Variants in CSMD2 observed in about 807,000 individuals in gnomAD.
CSMD2 encodes the protein CUB and Sushi multiple domains 2.
Under a neutral mutation model 398.5 loss-of-function variants are expected in CSMD2, and 130 were observed. The ratio of observed to expected loss-of-function variants is 0.33; its 90% CI spans 0.28 to 0.38. The LOEUF (loss-of-function observed/expected upper bound fraction) is 0.38, where lower values mean the gene tolerates loss of function less well. Among genes scored for constraint, CSMD2 ranks in the 10% least tolerant of loss-of-function variants. The pLI is 1.00. For synonymous variants in CSMD2, 1,828 were observed against 1,908.5 expected, an observed-to-expected ratio of 0.96 and a Z score of 1.10; for missense variants, 3,829 against 4,764.9, an observed-to-expected ratio of 0.80 and a Z score of 5.78.
intron 3 of CSMD2, among the ~76,000 whole-genome samples, chr1:33,947,790 T>G (rs1208437443): frequency 6.6e-6 from 1 of 152,230 alleles, no homozygotes; most frequent in Admixed American, 6.5e-5. Flanking sequence ...ATAAGCACCA[T>G]CGCTTACGGA....
At chr1:33,723,484 G>T (rs1646426755) in intron 19 of CSMD2, among the ~76,000 whole-genome samples, 1 of 152,212 alleles carries the variant, frequency 6.6e-6, no homozygotes, top group Non-Finnish European at 1.5e-5. Context: ...CCACATGGGT[G>T]GCACCGAATA....
intron 12 of CSMD2, among the ~76,000 whole-genome samples, chr1:33,785,609 A>G (rs1331502555): frequency 6.6e-6 from 1 of 152,244 alleles, no homozygotes. Flanking sequence ...CTCTCTTAAA[A>G]GAAGGCTTAC....
In CSMD2 at chr1:33,918,129, A is replaced by C. The variant is rs753652100; in HGVS notation, c.885T>G (p.Phe295Leu). Residue 295 changes from phenylalanine to leucine, a missense_variant, in exon 5 of 71, where the codon TTT (phenylalanine) becomes TTG (leucine). Physicochemically the swap from Phe to Leu is conservative, Grantham distance 22. This residue lies in a region of CSMD2 where 2,001 missense variants were observed against 2,567.1 expected (regional missense o/e 0.78). Transcript: ENST00000373381. ...AGCCTTCTGTCCCAGTGACTTCCAGAAAGTCGTAACCATCCTCCAGCTGGA... is the reference window on the plus strand; with the variant it reads ...AGCCTTCTGTCCCAGTGACTTCCAGCAAGTCGTAACCATCCTCCAGCTGGA... Reference protein sequence around the residue: ...IDFQLEDGYDFLEVTGTEGSS... With the variant: ...IDFQLEDGYDLLEVTGTEGSS... The C allele has an allele frequency of 3.7e-6, 6 of 1,613,922 alleles. No individual in the cohort carries two copies. The highest frequency in any genetic ancestry group is 5.1e-6 in the Non-Finnish European group (6 of 1,180,024).
At chr1:34,139,179 C>G (rs1270066321) in intron 1 of CSMD2, among the ~76,000 whole-genome samples, 1 of 152,180 alleles carries the variant, frequency 6.6e-6, no homozygotes, top group Non-Finnish European at 1.5e-5. Context: ...AGGTGAGGGC[C>G]TCTGCTCTCA....
Position 33,728,773 on chromosome 1 carries a change from C to T in CSMD2, c.2369-2088G>A, listed in dbSNP as rs561557685. Reference sequence around the variant, plus strand: ...GTGACAATGGCAACACTAAATGGCACGTACTATTATCATCCTCGTTTTATA... The same window carrying T: ...GTGACAATGGCAACACTAAATGGCATGTACTATTATCATCCTCGTTTTATA... On this transcript the variant is annotated intron_variant, in intron 15 of 70. Transcript: ENST00000373381. 1.1e-4 allele frequency among the ~76,000 whole-genome samples: 16 copies of T among 152,320 alleles called. No homozygotes were observed. In the South Asian group the frequency reaches 2.5e-3, roughly 24 times the overall value.
At chr1:33,599,609 A>T (rs933303994) in intron 44 of CSMD2, 5 of 152,434 alleles carry the variant, frequency 3.3e-5, no homozygotes, top group African/African-American at 4.8e-5. Context: ...TCTGAAGTCC[A>T]TACTCTTATC....
chr1:33,626,546 G>T lies in CSMD2; in HGVS notation c.5236C>A (p.Leu1746Ile). 1.2e-6 allele frequency: 2 copies of T among 1,607,422 alleles called. No individual in the cohort carries two copies. Among genetic ancestry groups the T allele is most frequent in the African/African-American group, 1.3e-5 (1 of 74,998 alleles). The change falls in exon 33 of 71, where the codon CTC becomes ATC. Residue 1746 changes from leucine to isoleucine, a missense_variant. Physicochemically the swap from Leu to Ile is conservative, Grantham distance 5. Around this residue, in one of 5 missense-constraint regions of CSMD2, gnomAD observed 2,001 missense variants for 2,567.1 expected, o/e 0.78. Transcript: ENST00000373381. ...AGGCCTTTGGCGCTGAACTTAATGA[G>T]AACTTGATTGGAGGTGGCCAAGGGC... The part of the protein sequence containing the change: ...SLPLATSNQV[L>I]IKFSAKGLAP...
At chr1:33,819,530 C>G (rs148921460) in intron 9 of CSMD2, among the ~76,000 whole-genome samples, 183 bp downstream of exon 9, 2 of 152,174 alleles carry the variant, frequency 1.3e-5, no homozygotes, top group Non-Finnish European at 2.9e-5. Flanking sequence ...CTGATCCTAG[C>G]GCAGGCCTTG....
intron 3 of CSMD2, among the ~76,000 whole-genome samples, chr1:33,963,245 CT>C (rs1471393802): frequency 9.2e-5 from 14 of 152,230 alleles, no homozygotes; most frequent in Admixed American, 8.5e-4. Flanking sequence ...TGCATCTGCT[CT>C]TCTGCACCTT....
chr1:34,124,336 T>C (rs1322529330), intron 1 of CSMD2, among the ~76,000 whole-genome samples: 3 of 152,176 alleles, frequency 2.0e-5, no homozygotes, highest in Admixed American at 6.5e-5. Context: ...TTGGGGGACA[T>C]GCCACAGGCT....
chr1:33,885,554 C>T (rs1418688164), intron 5 of CSMD2: 1 of 152,112 alleles, frequency 6.6e-6, no homozygotes, highest in Non-Finnish European at 1.5e-5. Flanking sequence ...TATAACTAAC[C>T]CAAGCATGGG....
At chr1:34,104,081 A>G (rs533710732) in intron 1 of CSMD2, among the ~76,000 whole-genome samples, 51 of 152,172 alleles carry the variant, frequency 3.4e-4, no homozygotes, top group Non-Finnish European at 5.4e-4. Flanking sequence ...AGCAAACACC[A>G]CCTAATCTTT....
At chr1:33,909,922 G>A (rs1643355237) in intron 5 of CSMD2, among the ~76,000 whole-genome samples, 1 of 152,088 alleles carries the variant, frequency 6.6e-6, no homozygotes, top group Non-Finnish European at 1.5e-5. Flanking sequence ...AGACCAATGG[G>A]CATTGCCATT....
At chr1:33,738,470 C>G (rs1405190147) in intron 15 of CSMD2, among the ~76,000 whole-genome samples, 1 of 152,170 alleles carries the variant, frequency 6.6e-6, no homozygotes, top group Non-Finnish European at 1.5e-5. Context: ...ACTCCTGCCT[C>G]AAGAAGCTTT....
At chr1:33,646,485 G>A (rs1329939461) in intron 29 of CSMD2, among the ~76,000 whole-genome samples, 163 bp downstream of exon 29, 1 of 152,200 alleles carries the variant, frequency 6.6e-6, no homozygotes, top group Non-Finnish European at 1.5e-5. Context: ...AAGCCCAGAT[G>A]GGGGCCGCAG....
intron 12 of CSMD2, among the ~76,000 whole-genome samples, chr1:33,775,015 G>A (rs753024156): frequency 6.6e-6 from 1 of 152,176 alleles, no homozygotes; most frequent in Non-Finnish European, 1.5e-5. Flanking sequence ...TTCGTGCTGT[G>A]GATGCACATA....
chr1:33,969,846 C>T (rs1404549795), intron 3 of CSMD2, among the ~76,000 whole-genome samples: 3 of 151,826 alleles, frequency 2.0e-5, no homozygotes, highest in Non-Finnish European at 4.4e-5. Flanking sequence ...GGCGTGGTGG[C>T]TCACGCCTGT....
chr1:33,792,911 G>C (rs1362436629), intron 10 of CSMD2, among the ~76,000 whole-genome samples: 1 of 152,162 alleles, frequency 6.6e-6, no homozygotes, highest in Admixed American at 6.5e-5. Context: ...CTTGCCCCCA[G>C]GGACCTGCAG....
At chr1:33,864,453 C>T (rs1021262222) in intron 5 of CSMD2, 4 of 1,613,784 alleles carry the variant, frequency 2.5e-6, no homozygotes, top group Admixed American at 1.7e-5. Context: ...ACGGAGAAAG[C>T]GGGATCCCCA....
Sources: gnomAD v4.1 joint callset for allele counts (sites outside exome capture counted in the v4.1 genomes callset) on GRCh38, gnomAD v4.1.1 for gene constraint, gnomAD v4.1.1 regional missense constraint, MANE v1.5 for transcripts, NCBI Gene and HGNC (gene_info 2026-07-23, HGNC 2026-07-21) for gene names.